The following TBC1D14 variants were observed in gnomAD, a reference collection of about 807,000 sequenced individuals.
TBC1D14 encodes TBC1 domain family, member 14.
Under a neutral mutation model 79.0 loss-of-function variants are expected in TBC1D14, and 26 were observed. The observed-to-expected ratio is 0.33, with a 90% CI of 0.24 to 0.46. TBC1D14 has a LOEUF of 0.46. TBC1D14 is among the 20% of genes least tolerant of loss of function. TBC1D14 has a pLI of 1.00. For missense variants in TBC1D14, 769 were observed against 887.6 expected, an observed-to-expected ratio of 0.87 and a Z score of 1.70; for synonymous variants, 394 against 349.9, an observed-to-expected ratio of 1.13 and a Z score of -1.40.
At chr4:7,003,990 A>T (rs1323889419) in intron 7 of TBC1D14, among the ~76,000 whole-genome samples, 1 of 152,178 alleles carries the variant, frequency 6.6e-6, no homozygotes, top group African/African-American at 2.4e-5. Flanking sequence ...CCTGGGCGAC[A>T]GAGCAAGACT....
At chr4:6,927,057 G>C (rs1724348068) in intron 2 of TBC1D14, among the ~76,000 whole-genome samples, 1 of 152,212 alleles carries the variant, frequency 6.6e-6, no homozygotes, top group African/African-American at 2.4e-5. Flanking sequence ...TTGGCTGCTT[G>C]ATGAGGTGGG....
At chr4:7,017,021 C>T (rs746236475) in intron 12 of TBC1D14, among the ~76,000 whole-genome samples, 2 of 152,280 alleles carry the variant, frequency 1.3e-5, no homozygotes, top group Middle Eastern at 3.4e-3. Context: ...AGGCTCAGGG[C>T]GGGGTGCACT....
At chr4:6,929,996 C>G (rs146926372) in intron 2 of TBC1D14, among the ~76,000 whole-genome samples, 1 of 152,234 alleles carries the variant, frequency 6.6e-6, no homozygotes, top group African/African-American at 2.4e-5. Context: ...AGACAACACC[C>G]TGTCTCTTGT....
At chr4:7,028,884 C>T (rs1162053991) in intron 13 of TBC1D14, among the ~76,000 whole-genome samples, 1 of 151,880 alleles carries the variant, frequency 6.6e-6, no homozygotes, top group African/African-American at 2.4e-5. Context: ...ATTGCCGAGA[C>T]TGGAGTGCAG....
At position 6,967,423 on chromosome 4, in the gene TBC1D14, A is replaced by G; in HGVS notation, c.842A>G (p.Lys281Arg). 1 of 1,611,812 alleles carries G rather than the reference A, an allele frequency of 6.2e-7. No individual in the cohort carries two copies. Among genetic ancestry groups the G allele is most frequent in the Non-Finnish European group, 8.5e-7 (1 of 1,179,560 alleles). Reference protein sequence around the residue: ...NAQKDSKRIQKEYEDKAGRPS... With the variant: ...NAQKDSKRIQREYEDKAGRPS... Reference sequence around the variant, plus strand: ...CAGAAGGATTCAAAGAGAATACAGAAGGTACACAAGATACAAAATCACAGA... The same window carrying G: ...CAGAAGGATTCAAAGAGAATACAGAGGGTACACAAGATACAAAATCACAGA... The change falls in exon 3 of 14, where the codon AAG becomes AGG. Residue 281 changes from lysine (K) to arginine (R), a missense_variant and splice_region_variant. This residue lies in a region of TBC1D14 where 402 missense variants were observed against 393.2 expected (regional missense o/e 1.02). Coordinates refer to ENST00000409757, the MANE Select transcript of TBC1D14 (RefSeq NM_020773.3).
Position 7,017,819 on chromosome 4 carries a change from A to T in TBC1D14, c.1757+3262A>T, listed in dbSNP as rs781240001. Among the ~76,000 whole-genome samples the T allele has an allele frequency of 2.6e-4, 40 of 152,236 alleles. 1 individual carries two copies. The highest frequency in any genetic ancestry group is 3.2e-3 in the Middle Eastern group (1 of 316). The stretch of plus-strand genomic sequence containing the variant: ...ATATTTAAGTTGAACTAAGCACAGG[A>T]AAGCCATGTATTCATGACTTATTTC... On this transcript the variant is annotated intron_variant, in intron 12 of 13. Coordinates refer to ENST00000409757, the MANE Select transcript of TBC1D14 (RefSeq NM_020773.3).
intron 3 of TBC1D14, among the ~76,000 whole-genome samples, chr4:6,970,325 G>A (rs1716110292): frequency 6.6e-6 from 1 of 152,242 alleles, no homozygotes; most frequent in Non-Finnish European, 1.5e-5. Flanking sequence ...ACCTTTCTGA[G>A]CCTCATTTTC....
At chr4:6,987,082 C>A in intron 3 of TBC1D14, 1 of 963,104 alleles carries the variant, frequency 1.0e-6, no homozygotes, top group Non-Finnish European at 1.3e-6. Context: ...GCCCCAGCCC[C>A]GCCCCTTGTG....
intron 13 of TBC1D14, among the ~76,000 whole-genome samples, chr4:7,029,922 G>A (rs1004936211): frequency 6.6e-6 from 1 of 152,242 alleles, no homozygotes; most frequent in African/African-American, 2.4e-5. Flanking sequence ...AGGAACCAGT[G>A]CCTTGAGGCC....
chr4:6,988,419 G>A (rs1718107066), intron 3 of TBC1D14, among the ~76,000 whole-genome samples: 1 of 152,266 alleles, frequency 6.6e-6, no homozygotes, highest in Non-Finnish European at 1.5e-5. Context: ...GGATGGAGGA[G>A]GAGCTCAAGG....
chr4:6,912,391 T>TAAAATAAAA (rs1246896934), intron 1 of TBC1D14, among the ~76,000 whole-genome samples: 1 of 151,684 alleles, frequency 6.6e-6, no homozygotes, highest in African/African-American at 2.4e-5. Context: ...AAAATAAAAA[T>TAAAATAAAA]AAAATAAAAA....
intron 2 of TBC1D14, among the ~76,000 whole-genome samples, chr4:6,925,685 G>A (rs1045639122): frequency 2.0e-5 from 3 of 152,186 alleles, no homozygotes; most frequent in East Asian, 1.9e-4. Flanking sequence ...GTAACTCAGC[G>A]ATTGCCCTCA....
intron 2 of TBC1D14, among the ~76,000 whole-genome samples, chr4:6,937,999 T>A (rs1712513955): frequency 6.6e-6 from 1 of 151,978 alleles, no homozygotes; most frequent in African/African-American, 2.4e-5. Context: ...TCCAGGAGTG[T>A]TGGAGAAAGG....
At chr4:6,987,364 G>T in intron 3 of TBC1D14, 1 of 1,420,966 alleles carries the variant, frequency 7.0e-7, no homozygotes, top group Non-Finnish European at 9.2e-7. Context: ...GTCGGGGTGC[G>T]GGCCGGTGCC....
intron 2 of TBC1D14, among the ~76,000 whole-genome samples, chr4:6,953,882 G>C (rs969642047): frequency 1.3e-5 from 2 of 152,072 alleles, no homozygotes; most frequent in Non-Finnish European, 2.9e-5. Flanking sequence ...TGTGTGCTTG[G>C]CGCTTTTCCA....
intron 1 of TBC1D14, chr4:6,910,472 C>G (rs1722887313): frequency 6.6e-6 from 1 of 152,502 alleles, no homozygotes; most frequent in Non-Finnish European, 1.5e-5. Flanking sequence ...CTCCTTGGAC[C>G]TCCACCCACG....
chr4:7,001,347 C>A, intron 7 of TBC1D14, 96 bp downstream of exon 7: 1 of 1,024,236 alleles, frequency 9.8e-7, no homozygotes, highest in Non-Finnish European at 1.5e-6. Context: ...GCCATTGCCA[C>A]GAATCTGTGT....
In TBC1D14 at chr4:6,960,081, C is replaced by CT. The variant is rs10623660; in HGVS notation, c.723-7205dup. 3.6e-3 allele frequency among the ~76,000 whole-genome samples: 474 copies of CT among 131,304 alleles called. 18 individuals carry two copies. The highest frequency in any genetic ancestry group is 5.9e-3 in the East Asian group (26 of 4,444). 86.1% of individuals were successfully genotyped at this position (131,304 alleles called of 152,430 possible). A position where few individuals can be genotyped will look rare whatever the true frequency, so the allele number is the denominator to read the frequency against. ...AAAGTTGGCTTTCTACCCTGTGCCC[C>CT]TTTTTTTTTTTTTTTTTTGACACAG... On this transcript the variant is annotated intron_variant, in intron 2 of 13. Coordinates refer to ENST00000409757, the MANE Select transcript of TBC1D14 (RefSeq NM_020773.3).
intron 2 of TBC1D14, among the ~76,000 whole-genome samples, chr4:6,947,894 G>C (rs572583747): frequency 6.6e-6 from 1 of 152,272 alleles, no homozygotes; most frequent in South Asian, 2.1e-4. Context: ...CTATCTGGCA[G>C]GTTTTATGTC....
Sources: allele counts gnomAD v4.1 joint callset (sites outside exome capture counted in the v4.1 genomes callset), GRCh38; gene constraint gnomAD v4.1.1; regional missense constraint gnomAD v4.1.1; transcripts MANE v1.5; gene names NCBI Gene and HGNC (gene_info 2026-07-23, HGNC 2026-07-21).